Variants in CPA6 observed in about 807,000 individuals in gnomAD.
CPA6 encodes carboxypeptidase A6, also known as carboxypeptidase B.
Under a neutral mutation model 63.3 loss-of-function variants are expected in CPA6, and 58 were observed. The ratio of observed to expected loss-of-function variants is 0.92; its 90% CI spans 0.74 to 1.14. CPA6 has a LOEUF of 1.14. Ranked by LOEUF, CPA6 falls within the 50% of genes most tolerant of loss-of-function variation. CPA6 has a pLI of 0.00. For synonymous variants in CPA6, 185 were observed against 179.0 expected (o/e 1.03, Z -0.27); for missense variants, 565 against 526.6 (o/e 1.07, Z -0.71).
chr8:67,525,865 C>G (rs1394104560), intron 2 of CPA6, among the ~76,000 whole-genome samples: 1 of 152,058 alleles, frequency 6.6e-6, no homozygotes. Flanking sequence ...CATTGGAGAC[C>G]CGCAAAAGCA....
At chr8:67,659,851 T>C (rs1438275231) in intron 1 of CPA6, among the ~76,000 whole-genome samples, 1 of 152,226 alleles carries the variant, frequency 6.6e-6, no homozygotes, top group African/African-American at 2.4e-5. Context: ...AAGCACATTT[T>C]ATAAAACGTT....
At chr8:67,450,665 A>C (rs983505863) in intron 8 of CPA6, among the ~76,000 whole-genome samples, 1 of 152,232 alleles carries the variant, frequency 6.6e-6, no homozygotes, top group African/African-American at 2.4e-5. Context: ...CTACGGGTGA[A>C]GACGTGAGTG....
At chr8:67,582,758 T>C (rs1395476768) in intron 2 of CPA6, among the ~76,000 whole-genome samples, 1 of 152,228 alleles carries the variant, frequency 6.6e-6, no homozygotes, top group Non-Finnish European at 1.5e-5. Context: ...GTCATGGTTG[T>C]AGTTCATGTG....
At chr8:67,497,696 CTT>C (rs952967032) in intron 6 of CPA6, among the ~76,000 whole-genome samples, 4 of 144,886 alleles carry the variant, frequency 2.8e-5, no homozygotes, top group Non-Finnish European at 3.1e-5. Flanking sequence ...GTTTCCTCTA[CTT>C]TTTTTTTTTT....
intron 1 of CPA6, among the ~76,000 whole-genome samples, chr8:67,632,816 C>T (rs11990115): frequency 0.026 from 4,005 of 152,302 alleles, 172 homozygotes; most frequent in African/African-American, 0.087. Flanking sequence ...GATATCTACT[C>T]TGTAGACTTC....
intron 1 of CPA6, among the ~76,000 whole-genome samples, chr8:67,695,748 C>G (rs1052106261): frequency 2.6e-5 from 4 of 152,138 alleles, no homozygotes; most frequent in African/African-American, 9.7e-5. Flanking sequence ...GCAAGTTTCT[C>G]CAGAAGGCTC....
chr8:67,425,850 A>G (rs1809869778), intron 10 of CPA6, among the ~76,000 whole-genome samples: 2 of 151,818 alleles, frequency 1.3e-5, no homozygotes, highest in Admixed American at 6.6e-5. Context: ...ATGTGCCAAC[A>G]GTTACATCAC....
At chr8:67,427,127 G>A (rs1809906972) in intron 10 of CPA6, among the ~76,000 whole-genome samples, 1 of 152,134 alleles carries the variant, frequency 6.6e-6, no homozygotes, top group African/African-American at 2.4e-5. Context: ...CCTCGAGGAG[G>A]GTTATTCTCA....
At chr8:67,456,344 G>A (rs753246018) in intron 8 of CPA6, among the ~76,000 whole-genome samples, 15 of 152,104 alleles carry the variant, frequency 9.9e-5, no homozygotes, top group African/African-American at 2.4e-4. Context: ...ACAAATTGTC[G>A]TGTATGGCAC....
chr8:67,730,031 A>T (rs1817677739), intron 1 of CPA6, among the ~76,000 whole-genome samples: 1 of 152,184 alleles, frequency 6.6e-6, no homozygotes. Context: ...AGGGCGGGGG[A>T]GGATTCCCCC....
At chr8:67,686,102 G>A (rs896777846) in intron 1 of CPA6, among the ~76,000 whole-genome samples, 4 of 151,996 alleles carry the variant, frequency 2.6e-5, no homozygotes, top group African/African-American at 9.7e-5. Context: ...AAAAAATACT[G>A]ATTAAATAAA....
intron 2 of CPA6, among the ~76,000 whole-genome samples, chr8:67,534,541 C>T (rs1204916396): frequency 3.3e-5 from 5 of 152,040 alleles, no homozygotes; most frequent in Admixed American, 3.3e-4. Context: ...CTGTACTTTC[C>T]TGTATGTCCA....
chr8:67,557,564 G>A (rs1813092589), intron 2 of CPA6, among the ~76,000 whole-genome samples: 1 of 152,108 alleles, frequency 6.6e-6, no homozygotes, highest in African/African-American at 2.4e-5. Context: ...AGAGAGATTA[G>A]CACCATCTGG....
intron 2 of CPA6, among the ~76,000 whole-genome samples, chr8:67,594,012 C>T (rs1305399466): frequency 1.8e-4 from 27 of 150,408 alleles, no homozygotes; most frequent in Middle Eastern, 3.4e-3. Context: ...GATTTTGCAG[C>T]GGCTGGTACT....
chr8:67,694,325 C>T (rs117610871), intron 1 of CPA6, among the ~76,000 whole-genome samples: 1 of 152,320 alleles, frequency 6.6e-6, no homozygotes, highest in Non-Finnish European at 1.5e-5. Flanking sequence ...AAAGGCCTTG[C>T]CATTTTCTGC....
At chr8:67,726,581 C>T (rs971015930) in intron 1 of CPA6, among the ~76,000 whole-genome samples, 2 of 152,174 alleles carry the variant, frequency 1.3e-5, no homozygotes, top group Non-Finnish European at 2.9e-5. Context: ...GTAATGAATT[C>T]TCCCTCCAGT....
intron 6 of CPA6, among the ~76,000 whole-genome samples, chr8:67,503,738 T>C (rs143603691): frequency 6.6e-6 from 1 of 152,232 alleles, no homozygotes; most frequent in East Asian, 1.9e-4. Flanking sequence ...GCATGCATTA[T>C]ATTATTATTA....
chr8:67,689,367 T>C (rs1816772160), intron 1 of CPA6, among the ~76,000 whole-genome samples: 2 of 152,166 alleles, frequency 1.3e-5, no homozygotes. Flanking sequence ...GGGGTACAGA[T>C]GATTCTATCA....
At chr8:67,680,160 A>G (rs1490103337) in intron 1 of CPA6, among the ~76,000 whole-genome samples, 1 of 152,220 alleles carries the variant, frequency 6.6e-6, no homozygotes, top group Non-Finnish European at 1.5e-5. Context: ...GTAATAATTT[A>G]TAAACATTTA....
Sources: allele counts gnomAD v4.1 joint callset (sites outside exome capture counted in the v4.1 genomes callset), GRCh38; gene constraint gnomAD v4.1.1; transcripts MANE v1.5; gene names NCBI Gene and HGNC (gene_info 2026-07-23, HGNC 2026-07-21).